Variants in LRRIQ1 observed in about 807,000 individuals in gnomAD.
The protein encoded by LRRIQ1 is leucine rich repeats and IQ motif containing 1, also known as leucine-rich repeat- and IQ domain-containing protein 1.
LRRIQ1 carries 210 observed loss-of-function variants against 211.9 expected under a neutral mutation model. The observed-to-expected ratio is 0.99, with a 90% CI of 0.89 to 1.11. The LOEUF is 1.11. LRRIQ1 is among the 50% of genes most tolerant of loss of function. The pLI, the probability that LRRIQ1 is intolerant of heterozygous loss-of-function variation, is 0.00. For missense variants in LRRIQ1, 2,136 were observed against 1,939.5 expected, an observed-to-expected ratio of 1.10 and a Z score of -1.90; for synonymous variants, 699 against 650.1, an observed-to-expected ratio of 1.08 and a Z score of -1.14.
At chr12:85,067,864 A>G (rs766474187) in intron 10 of LRRIQ1, among the ~76,000 whole-genome samples, 5 of 151,876 alleles carry the variant, frequency 3.3e-5, no homozygotes, top group Admixed American at 6.6e-5. Context: ...GAGTTCTGTC[A>G]TTGCCTCCCA....
intron 17 of LRRIQ1, among the ~76,000 whole-genome samples, chr12:85,125,286 A>G (rs1393858896): frequency 6.6e-6 from 1 of 152,150 alleles, no homozygotes; most frequent in Non-Finnish European, 1.5e-5. Flanking sequence ...CACATATTTG[A>G]ATGTATGTGC....
At chr12:85,238,650 CATT>C (rs1465057992) in intron 26 of LRRIQ1, among the ~76,000 whole-genome samples, 8 of 151,890 alleles carry the variant, frequency 5.3e-5, no homozygotes, top group Admixed American at 5.3e-4. Flanking sequence ...GGAAAACAAT[CATT>C]ATCTCAATAT....
rs750563773 is a variant in LRRIQ1, at chr12:85,137,988, A to T, written c.4329+19A>T. 5 of 1,263,102 alleles carry T rather than the reference A, an allele frequency of 4.0e-6. No individual in the cohort carries two copies. The Admixed American group carries it at 9.1e-5, about 23-fold the overall frequency. The allele number at this position is 1,263,102 out of a possible 1,614,324, so 78.2% of individuals were successfully genotyped here. ...TGATGAAGTAAGTACGAACTATAGTATATAAATATTGGTCTTAAAATACAT... is the reference window on the plus strand; with the variant it reads ...TGATGAAGTAAGTACGAACTATAGTTTATAAATATTGGTCTTAAAATACAT... On this transcript the variant is annotated intron_variant, in intron 19 of 26. Transcript: ENST00000393217.
At chr12:85,121,623 T>C (rs988757289) in intron 15 of LRRIQ1, 74 bp from the exon 16 acceptor site, 2 of 1,013,148 alleles carry the variant, frequency 2.0e-6, no homozygotes, top group South Asian at 5.7e-5. Flanking sequence ...TTTAAATGAT[T>C]AGTATATGGT....
intron 26 of LRRIQ1, among the ~76,000 whole-genome samples, chr12:85,243,174 T>C (rs1307564612): frequency 1.3e-5 from 2 of 149,576 alleles, no homozygotes; most frequent in African/African-American, 2.5e-5. Flanking sequence ...GTGGTATTGC[T>C]TTGATATTTC....
intron 24 of LRRIQ1, among the ~76,000 whole-genome samples, chr12:85,191,460 C>T (rs1478308132): frequency 6.6e-6 from 1 of 151,914 alleles, no homozygotes; most frequent in Non-Finnish European, 1.5e-5. Flanking sequence ...TAGTAACATG[C>T]TTTTAAGGTT....
exon 2 of LRRIQ1, chr12:85,264,213 A>G (rs1896376482): frequency 1.3e-5 from 2 of 152,104 alleles, no homozygotes; most frequent in Non-Finnish European, 2.9e-5. Flanking sequence ...TGATTGAGAT[A>G]GAAACGTTAA....
rs1361496929 is a variant in LRRIQ1, at chr12:85,106,561, C to T, written c.3323C>T (p.Ser1108Phe). The change falls in exon 15 of 27, where the codon TCT becomes TTT. Residue 1108 changes from serine (S) to phenylalanine (F), a missense_variant. Transcript: ENST00000393217. ...ATAAAATGGTTTGATGCATGCTATT[C>T]TCTCCATGAATTGTCTCTTACTGGA... is the stretch of plus-strand genomic sequence containing the variant. ...SAIKWFDACY[S>F]LHELSLTGNP... 7 of 1,612,286 alleles carry T rather than the reference C, an allele frequency of 4.3e-6. No individual in the cohort carries two copies. Among genetic ancestry groups the T allele is most frequent in the South Asian group, 1.1e-5 (1 of 90,934 alleles).
intron 13 of LRRIQ1, among the ~76,000 whole-genome samples, chr12:85,102,515 C>T (rs1396033315): frequency 3.3e-5 from 5 of 151,644 alleles, no homozygotes; most frequent in Non-Finnish European, 7.4e-5. Context: ...GAAATGTTCT[C>T]CCAGCCTCAT....
chr12:85,187,126 C>A (rs1351568182), intron 24 of LRRIQ1, among the ~76,000 whole-genome samples: 1 of 152,000 alleles, frequency 6.6e-6, no homozygotes, highest in African/African-American at 2.4e-5. Context: ...GGAGAAAAAA[C>A]ATGGGAACCC....
At chr12:85,242,368 G>A (rs1292603005) in intron 26 of LRRIQ1, among the ~76,000 whole-genome samples, 3 of 151,656 alleles carry the variant, frequency 2.0e-5, no homozygotes, top group African/African-American at 7.3e-5. Flanking sequence ...AAACAATAGA[G>A]TATAACAACT....
intron 18 of LRRIQ1, among the ~76,000 whole-genome samples, chr12:85,136,229 A>C (rs988486772): frequency 2.0e-5 from 3 of 151,936 alleles, no homozygotes; most frequent in African/African-American, 7.2e-5. Flanking sequence ...AGACCACACA[A>C]ATGAGAAAAA....
chr12:85,096,350 G>C (rs1885878965), intron 11 of LRRIQ1, among the ~76,000 whole-genome samples: 1 of 151,954 alleles, frequency 6.6e-6, no homozygotes. Context: ...CAGAGATTTT[G>C]GTATATTGTA....
At chr12:85,203,813 G>A (rs552174326) in intron 24 of LRRIQ1, among the ~76,000 whole-genome samples, 1 of 152,112 alleles carries the variant, frequency 6.6e-6, no homozygotes, top group African/African-American at 2.4e-5. Flanking sequence ...CAGCATAAAA[G>A]TATGAGGAAT....
At chr12:85,204,195 C>T (rs937840848) in intron 24 of LRRIQ1, among the ~76,000 whole-genome samples, 1 of 152,138 alleles carries the variant, frequency 6.6e-6, no homozygotes, top group Non-Finnish European at 1.5e-5. Flanking sequence ...GTTGATCCTG[C>T]AAGTGCACAG....
chr12:85,171,112 G>A (rs1891395512), intron 24 of LRRIQ1, among the ~76,000 whole-genome samples: 1 of 152,000 alleles, frequency 6.6e-6, no homozygotes. Flanking sequence ...TAAAATAAAT[G>A]TACATAATAT....
intron 24 of LRRIQ1, among the ~76,000 whole-genome samples, chr12:85,173,274 G>A (rs1671940382): frequency 6.6e-6 from 1 of 151,978 alleles, no homozygotes; most frequent in Non-Finnish European, 1.5e-5. Context: ...TGAGATTCTT[G>A]GTGTCTTGTT....
At chr12:85,162,050 A>AT (rs1231373259) in intron 24 of LRRIQ1, among the ~76,000 whole-genome samples, 1 of 152,064 alleles carries the variant, frequency 6.6e-6, no homozygotes, top group Non-Finnish European at 1.5e-5. Flanking sequence ...AAAAAAAAAA[A>AT]TTAATAATAA....
chr12:85,243,350 T>TTAA (rs1491156492), intron 26 of LRRIQ1, among the ~76,000 whole-genome samples: 2 of 145,444 alleles, frequency 1.4e-5, no homozygotes, highest in African/African-American at 5.1e-5. Flanking sequence ...ATTATTATTA[T>TTAA]TATACTTTAA....
Sources: allele counts gnomAD v4.1 joint callset (sites outside exome capture counted in the v4.1 genomes callset), GRCh38; gene constraint gnomAD v4.1.1; transcripts MANE v1.5; gene names NCBI Gene and HGNC (gene_info 2026-07-23, HGNC 2026-07-21).